Variants in CDYL observed in about 807,000 individuals in gnomAD.
CDYL encodes the protein chromodomain Y-like protein.
CDYL carries 8 observed loss-of-function variants against 47.3 expected under a neutral mutation model. That is an observed-to-expected ratio of 0.17 (90% CI 0.10 to 0.31). CDYL has a LOEUF of 0.31. Ranked by LOEUF, CDYL falls within the 10% of genes least tolerant of loss-of-function variation. The pLI is 1.00. For synonymous variants in CDYL, 266 were observed against 265.0 expected (o/e 1.00, Z -0.04); for missense variants, 471 against 701.4 (o/e 0.67, Z 3.71).
At chr6:4,715,405 C>A (rs183726152) in intron 1 of CDYL, among the ~76,000 whole-genome samples, 1 of 152,204 alleles carries the variant, frequency 6.6e-6, no homozygotes, top group Non-Finnish European at 1.5e-5. Context: ...GCCTTCCAAC[C>A]TCATGATAAG....
At chr6:4,712,499 C>T (rs1247828713) in intron 1 of CDYL, among the ~76,000 whole-genome samples, 2 of 152,190 alleles carry the variant, frequency 1.3e-5, no homozygotes, top group Non-Finnish European at 2.9e-5. Flanking sequence ...CTTTGATTAG[C>T]AGCCCACAGC....
At chr6:4,846,204 G>GAAAAAA (rs1561666782) in intron 1 of CDYL, among the ~76,000 whole-genome samples, 2 of 151,178 alleles carry the variant, frequency 1.3e-5, no homozygotes, top group African/African-American at 2.4e-5. Flanking sequence ...AAAAAAGGTG[G>GAAAAAA]ATATGGCTAT....
chr6:4,834,694 G>A (rs530534677), intron 1 of CDYL, among the ~76,000 whole-genome samples: 3,212 of 152,120 alleles, frequency 0.021, 69 homozygotes, highest in East Asian at 0.086. Flanking sequence ...CATTCTCCCT[G>A]TCACTTTCAG....
chr6:4,756,260 T>C (rs1188010219), intron 3 of CDYL, among the ~76,000 whole-genome samples: 1 of 152,144 alleles, frequency 6.6e-6, no homozygotes, highest in African/African-American at 2.4e-5. Flanking sequence ...TCCCTGACAG[T>C]CTAAGCTTTC....
intron 5 of CDYL, among the ~76,000 whole-genome samples, chr6:4,951,464 AAAAT>A (rs1758702759): frequency 6.6e-6 from 1 of 152,114 alleles, no homozygotes; most frequent in South Asian, 2.1e-4. Context: ...CATGTATTAA[AAAAT>A]AAAGTGATCT....
intron 2 of CDYL, among the ~76,000 whole-genome samples, chr6:4,919,756 TATTATA>T (rs1378831702): frequency 6.6e-6 from 1 of 152,232 alleles, no homozygotes; most frequent in Non-Finnish European, 1.5e-5. Context: ...CCAATAGTTT[TATTATA>T]ATTACTAATT....
In CDYL at chr6:4,737,659, G is replaced by A. The variant is rs1042953015; in HGVS notation, c.186+2815G>A. Among the ~76,000 whole-genome samples, 8 of 151,840 alleles carry A rather than the reference G, an allele frequency of 5.3e-5. No individual in the cohort carries two copies. In the East Asian group the frequency reaches 1.6e-3, roughly 30 times the overall value. On this transcript the variant is annotated intron_variant, in intron 3 of 8. Coordinates refer to the CDYL transcript ENST00000328908. ...AAATAGCCTCAGCCTCCCAAGTAGGGGGGACTACAGGCATGCACCACCACG... is the reference window on the plus strand; with the variant it reads ...AAATAGCCTCAGCCTCCCAAGTAGGAGGGACTACAGGCATGCACCACCACG...
At chr6:4,899,541 A>G (rs1365883380) in intron 2 of CDYL, among the ~76,000 whole-genome samples, 3 of 152,224 alleles carry the variant, frequency 2.0e-5, no homozygotes, top group African/African-American at 7.2e-5. Context: ...ATGGAAGACA[A>G]AGGCTGTTTA....
intron 4 of CDYL, among the ~76,000 whole-genome samples, chr6:4,943,263 G>A (rs1758414109): frequency 1.3e-5 from 2 of 152,154 alleles, no homozygotes; most frequent in Admixed American, 6.5e-5. Context: ...AGAGCCACCT[G>A]CAAATTCCAG....
chr6:4,746,310 A>G (rs1360617451), intron 3 of CDYL, among the ~76,000 whole-genome samples: 1 of 151,008 alleles, frequency 6.6e-6, no homozygotes, highest in East Asian at 2.0e-4. Flanking sequence ...GTTGCAATGA[A>G]CCAAGATTGC....
At position 4,738,819 on chromosome 6, in the gene CDYL, A is replaced by C. The variant is rs151081320; in HGVS notation, c.186+3975A>C. Among the ~76,000 whole-genome samples the C allele has an allele frequency of 4.7e-3, 718 of 152,386 alleles. 6 individuals carry two copies. The highest frequency in any genetic ancestry group is 0.016 in the South Asian group (78 of 4,832). Reference sequence around the variant, plus strand: ...TAAACTACAATGGAACAATATGTGCAGTATAAACAAAGGAACCAGATTTAT... The same window carrying C: ...TAAACTACAATGGAACAATATGTGCCGTATAAACAAAGGAACCAGATTTAT... On this transcript the variant is annotated intron_variant, in intron 3 of 8. Transcript: ENST00000328908.
intron 2 of CDYL, among the ~76,000 whole-genome samples, chr6:4,918,852 C>A (rs147568725): frequency 1.2e-4 from 19 of 152,296 alleles, no homozygotes; most frequent in Admixed American, 6.5e-4. Flanking sequence ...GACTTTGCTG[C>A]TTTTCTGATT....
chr6:4,789,565 C>T (rs1758862351), intron 1 of CDYL, among the ~76,000 whole-genome samples: 1 of 152,170 alleles, frequency 6.6e-6, no homozygotes, highest in Non-Finnish European at 1.5e-5. Context: ...TGGCTGCTAC[C>T]CAGTACAGTC....
At chr6:4,893,024 A>G (rs184041364) in intron 2 of CDYL, among the ~76,000 whole-genome samples, 1 of 152,378 alleles carries the variant, frequency 6.6e-6, no homozygotes, top group East Asian at 1.9e-4. Flanking sequence ...CTCCCAGGAC[A>G]GCACAACTGG....
chr6:4,755,340 G>A (rs1349193090), intron 3 of CDYL, among the ~76,000 whole-genome samples: 1 of 152,058 alleles, frequency 6.6e-6, no homozygotes, highest in Non-Finnish European at 1.5e-5. Flanking sequence ...CAAAGTGCTG[G>A]GATTACAGGC....
chr6:4,726,602 G>C (rs764415337), intron 2 of CDYL, among the ~76,000 whole-genome samples: 35 of 151,744 alleles, frequency 2.3e-4, no homozygotes, highest in Middle Eastern at 3.4e-3. Flanking sequence ...TTGGGAGGCT[G>C]AGGCGAGAGG....
intron 2 of CDYL, among the ~76,000 whole-genome samples, chr6:4,919,743 T>A (rs1409152380): frequency 2.0e-5 from 3 of 152,214 alleles, no homozygotes; most frequent in African/African-American, 7.2e-5. Context: ...ATTTTAATCT[T>A]TTCCAATAGT....
Position 4,893,734 on chromosome 6 carries a change from T to G in CDYL, c.691+1355T>G, listed in dbSNP as rs542055917. ...AAGAGACTCCGTCTCTTTACCTGTGTGTGTCTCCTCCAACCCAAGCTCAGT... is the reference window on the plus strand; with the variant it reads ...AAGAGACTCCGTCTCTTTACCTGTGGGTGTCTCCTCCAACCCAAGCTCAGT... On this transcript the variant is annotated intron_variant, in intron 2 of 6. Transcript: ENST00000397588. Among the ~76,000 whole-genome samples the G allele has an allele frequency of 2.0e-5, 3 of 151,902 alleles. No individual in the cohort carries two copies. In the South Asian group the frequency reaches 6.2e-4, roughly 32 times the overall value.
intron 3 of CDYL, among the ~76,000 whole-genome samples, chr6:4,768,477 G>C (rs889727456): frequency 6.6e-6 from 1 of 152,162 alleles, no homozygotes; most frequent in African/African-American, 2.4e-5. Flanking sequence ...TCAACTGAAA[G>C]AGCTCCCGGT....
Sources: allele counts gnomAD v4.1 joint callset (sites outside exome capture counted in the v4.1 genomes callset), GRCh38; gene constraint gnomAD v4.1.1; transcripts MANE v1.5; gene names NCBI Gene and HGNC (gene_info 2026-07-23, HGNC 2026-07-21).